Variants in COL5A3 observed in about 807,000 individuals in gnomAD.
COL5A3 encodes collagen alpha-3(V) chain.
COL5A3 carries 172 observed loss-of-function variants against 250.0 expected under a neutral mutation model. The observed-to-expected ratio is 0.69, with a 90% confidence interval of 0.61 to 0.78. The LOEUF (loss-of-function observed/expected upper bound fraction) is 0.78. Ranked by LOEUF, COL5A3 falls within the 30% of genes least tolerant of loss-of-function variation. The pLI, the probability that COL5A3 is intolerant of heterozygous loss-of-function variation, is 0.00. For synonymous variants in COL5A3, 937 were observed against 900.4 expected, an observed-to-expected ratio of 1.04 and a Z score of -0.73; for missense variants, 2,340 against 2,334.4, an observed-to-expected ratio of 1.00 and a Z score of -0.05.
Position 10,009,890 on chromosome 19 carries a change from A to C in COL5A3, c.88+408T>G, listed in dbSNP as rs1484238681. On this transcript the variant is annotated intron_variant, in intron 1 of 66. Coordinates refer to ENST00000264828, the MANE Select transcript of COL5A3 (RefSeq NM_015719.4). The surrounding 1 kb of genome is among the most constrained non-coding windows in gnomAD (Gnocchi z 4.4). The stretch of plus-strand genomic sequence containing the variant: ...GTTACCCTCGAAAATCAGCACATAG[A>C]CAAGAGCACAAGTGCATACTCACCT... Among the ~76,000 whole-genome samples the C allele has an allele frequency of 6.6e-6, 1 of 152,054 alleles. No homozygotes were observed. The highest frequency in any genetic ancestry group is 2.4e-5 in the African/African-American group (1 of 41,378).
intron 45 of COL5A3, among the ~76,000 whole-genome samples, chr19:9,975,755 G>T (rs1308947386): frequency 1.3e-5 from 2 of 152,074 alleles, no homozygotes; most frequent in Non-Finnish European, 2.9e-5. Context: ...CACATGGTTG[G>T]GTTGGGATTG....
chr19:9,992,060 G>T lies in COL5A3; in HGVS notation c.1849-12C>A. The T allele has an allele frequency of 1.9e-6, 3 of 1,613,064 alleles. No individual in the cohort carries two copies. The highest frequency in any genetic ancestry group is 1.1e-5 in the South Asian group (1 of 90,972). On this transcript the variant is annotated splice_polypyrimidine_tract_variant and intron_variant, in intron 21 of 66. Transcript: ENST00000264828. ...ATTCCAGTCACACCCTAGGGGAAAAGAGGATGTGAGACCAAGACAGAGCAA... is the reference window on the plus strand; with the variant it reads ...ATTCCAGTCACACCCTAGGGGAAAATAGGATGTGAGACCAAGACAGAGCAA...
At chr19:9,992,583 C>A (rs891580131) in intron 21 of COL5A3, among the ~76,000 whole-genome samples, 1 of 151,998 alleles carries the variant, frequency 6.6e-6, no homozygotes, top group South Asian at 2.1e-4. Flanking sequence ...TCGAGACCAA[C>A]CTAACTAACA....
chr19:9,974,895 T>C (rs763512414), intron 45 of COL5A3, among the ~76,000 whole-genome samples: 2 of 151,962 alleles, frequency 1.3e-5, no homozygotes, highest in Non-Finnish European at 2.9e-5. Flanking sequence ...GTTTGTTTGT[T>C]TTTGTTTTTT....
At position 9,996,482 on chromosome 19, in the gene COL5A3, G is replaced by C. The variant is rs140312452; in HGVS notation, c.1373C>G (p.Pro458Arg). Residue 458 changes from proline to arginine, a missense_variant, in exon 13 of 67, where the codon CCA (proline) becomes CGA (arginine). By Grantham distance (103) the Pro-to-Arg change is moderately radical. Around this residue, in one of 3 missense-constraint regions of COL5A3, gnomAD observed 1,152 missense variants for 1,146.3 expected, o/e 1.00. Transcript: ENST00000264828. ...QFAGGSFKGP[P>R]VSFQQAQAQA... is the part of the protein sequence containing the mutation. ...AGCCTGGGCCTGCTGGAATGAGACT[G>C]GGGGGCCTTTAAAGGAGCCGCCTGC... 1.4e-4 allele frequency: 227 copies of C among 1,614,058 alleles called. No homozygotes were observed. The highest frequency in any genetic ancestry group is 1.4e-3 in the East Asian group (61 of 44,880).
In COL5A3 at chr19:9,993,014, GATACTCACCGGCTCCCCAGCCTGGCCAGT is replaced by G; in HGVS notation, c.1774_1794+8del. 6.2e-7 allele frequency: 1 copy of G among 1,613,470 alleles called. No individual in the cohort carries two copies. The highest frequency in any genetic ancestry group is 8.5e-7 in the Non-Finnish European group (1 of 1,179,690). ...CCAAGCAAGGGGCCCAGGGATCCCT[GATACTCACCGGCTCCCCAGCCTGGCCAGT>G]GGGCCCTGGAGGTCCCTCTGCTCCC... On this transcript the variant is annotated splice_donor_variant and splice_donor_5th_base_variant and coding_sequence_variant and intron_variant, in exon 20 of 67. Transcript: ENST00000264828. LOFTEE classifies it high-confidence loss of function.
Position 9,985,955 on chromosome 19 carries a change from G to A in COL5A3, c.2353-60C>T, listed in dbSNP as rs1239734911. ...GCAACCTGGAGGTCAGAGGCGGAAA[G>A]GTCAGGCTGGCTGGGGCATGGTGAA... On this transcript the variant is annotated intron_variant, in intron 30 of 66. Transcript: ENST00000264828. 2.0e-6 allele frequency: 3 copies of A among 1,518,566 alleles called. No homozygotes were observed. In the Admixed American group the frequency reaches 5.0e-5, roughly 25 times the overall value. 94.1% of individuals were successfully genotyped at this position (1,518,566 alleles called of 1,614,324 possible). A position where few individuals can be genotyped will look rare whatever the true frequency, so the allele number is the denominator to read the frequency against.
rs2087098976 is a variant in COL5A3 at position 9,986,322 on chromosome 19, C to T, written c.2345G>A (p.Gly782Glu). Residue 782 changes from glycine (G) to glutamate (E), a missense_variant, in exon 30 of 67, where the codon GGG (glycine) becomes GAG (glutamate). Gly to Glu is a moderately conservative substitution (Grantham distance 98). This residue lies in a region of COL5A3 where 1,152 missense variants were observed against 1,146.3 expected (regional missense o/e 1.00). Transcript: ENST00000264828. ...AGEEGPPGSA[G>E]EKGKLGVPGL... ...GGGTGGAGAGTCATTTACCTTCTCC[C>T]CAGCTGAGCCTGGGGGCCCCTCCTC... The T allele has an allele frequency of 2.6e-6, 4 of 1,567,884 alleles. No homozygotes were observed. The African/African-American group carries it at 4.1e-5, about 16-fold the overall frequency.
chr19:9,990,165 G>T (rs569615925), intron 24 of COL5A3, among the ~76,000 whole-genome samples: 1 of 151,944 alleles, frequency 6.6e-6, no homozygotes, highest in East Asian at 2.0e-4. Context: ...AGGCCGAGGA[G>T]GGTGGATCAC....
At chr19:9,995,643 G>A (rs375612457) in intron 15 of COL5A3, 26 bp from the exon 16 acceptor site, 13 of 1,537,394 alleles carry the variant, frequency 8.5e-6, no homozygotes, top group Non-Finnish European at 1.1e-5. Flanking sequence ...AAGGAGGAAG[G>A]AAAGGAAAAT....
chr19:9,972,895 C>A (rs1232554691), intron 51 of COL5A3, 24 bp downstream of exon 51: 2 of 1,532,626 alleles, frequency 1.3e-6, no homozygotes. Flanking sequence ...CCCATGTCTG[C>A]CCCCACTTCC....
chr19:9,969,949 G>GC lies in COL5A3; in HGVS notation c.3937-28_3937-27insG, dbSNP rs397963794. 115 of 1,610,288 alleles carry GC rather than the reference G, an allele frequency of 7.1e-5. 2 individuals are homozygous for GC. Among genetic ancestry groups the GC allele is most frequent in the Middle Eastern group, 6.6e-4 (4 of 6,074 alleles). On this transcript the variant is annotated intron_variant, in intron 54 of 66. Coordinates refer to ENST00000264828, the MANE Select transcript of COL5A3 (RefSeq NM_015719.4). ...TTGGAAGGGAAAGACAGTGAGGGGGGTCTAGGGGCTGACTGAGGGTCAGAG... is the reference window on the plus strand; with the variant it reads ...TTGGAAGGGAAAGACAGTGAGGGGGGCTCTAGGGGCTGACTGAGGGTCAGAG...
intron 31 of COL5A3, among the ~76,000 whole-genome samples, chr19:9,983,377 G>A (rs909318580): frequency 6.6e-6 from 1 of 151,690 alleles, no homozygotes; most frequent in Non-Finnish European, 1.5e-5. Context: ...CGCACCTGTT[G>A]TTCCCAGCTA....
rs1459175698 is a variant in COL5A3, at chr19:9,993,628, C to T, written c.1686G>A (p.Lys562=). Residue 562 remains lysine, a synonymous_variant, in exon 18 of 67, where the codon AAG becomes AAA. Transcript: ENST00000264828. ...GACCTCACACACTCACCCTTTGGCC[C>T]TTCTCACCAGGCAGCCCAGGGAGGC... is the stretch of plus-strand genomic sequence containing the variant. The part of the protein sequence containing the change: ...FDGLPGLPGE[K]GQRGDFGHVG... 1.9e-6 allele frequency: 3 copies of T among 1,614,064 alleles called. No individual in the cohort carries two copies. The highest frequency in any genetic ancestry group is 2.5e-6 in the Non-Finnish European group (3 of 1,179,996).
rs373591438 is a variant in COL5A3, at chr19:9,996,110, C to G, written c.1489G>C (p.Gly497Arg). The G allele has an allele frequency of 6.3e-7, 1 of 1,580,960 alleles. No homozygotes were observed. Among genetic ancestry groups the G allele is most frequent in the East Asian group, 2.2e-5 (1 of 44,594 alleles). The part of the protein sequence containing the change: ...TGRPGPVGLP[G>R]HPGLKGEEGA... Reference sequence around the variant, plus strand: ...TCCTCTCCTTTCAGACCTGGATGCCCGGGGAGACCCTTGGGGGAGGAGAGA... The same window carrying G: ...TCCTCTCCTTTCAGACCTGGATGCCGGGGGAGACCCTTGGGGGAGGAGAGA... The change falls in exon 15 of 67, where the codon GGG (glycine) becomes CGG (arginine). Residue 497 changes from glycine (G) to arginine (R), a missense_variant. Around this residue, in one of 3 missense-constraint regions of COL5A3, gnomAD observed 1,152 missense variants for 1,146.3 expected, o/e 1.00. Transcript: ENST00000264828.
At position 10,009,115 on chromosome 19, in the gene COL5A3, A is replaced by G. The variant is rs1016123775; in HGVS notation, c.88+1183T>C. ...GGCATAGTCCAATCAGGGATTAACC[A>G]TATGGACAGGCACCTTCCTGGACTC... On this transcript the variant is annotated intron_variant, in intron 1 of 66. Transcript: ENST00000264828. The surrounding 1 kb of genome is among the most constrained non-coding windows in gnomAD (Gnocchi z 4.4). Among the ~76,000 whole-genome samples, 5 of 151,672 alleles carry G rather than the reference A, an allele frequency of 3.3e-5. No individual in the cohort carries two copies. Among genetic ancestry groups the G allele is most frequent in the Non-Finnish European group, 5.9e-5 (4 of 67,942 alleles).
chr19:9,987,167 C>T (rs755421576), intron 27 of COL5A3, among the ~76,000 whole-genome samples: 2 of 152,150 alleles, frequency 1.3e-5, no homozygotes, highest in Non-Finnish European at 2.9e-5. Flanking sequence ...ATGGAGAGAG[C>T]GCTTAGTTCA....
At chr19:9,976,876 G>C (rs1008968005) in intron 44 of COL5A3, among the ~76,000 whole-genome samples, 2 of 152,070 alleles carry the variant, frequency 1.3e-5, no homozygotes, top group African/African-American at 4.8e-5. Flanking sequence ...CACTGGAGCT[G>C]ACATTCGGGG....
At chr19:9,987,933 C>A (rs1018593103) in intron 27 of COL5A3, among the ~76,000 whole-genome samples, 17 of 152,006 alleles carry the variant, frequency 1.1e-4, no homozygotes, top group Non-Finnish European at 2.9e-5. Flanking sequence ...GACCCTGTCT[C>A]TAAAAAATAA....
Sources: gnomAD v4.1 joint callset for allele counts (sites outside exome capture counted in the v4.1 genomes callset) on GRCh38, gnomAD v4.1.1 for gene constraint, gnomAD v4.1.1 regional missense constraint, Gnocchi (gnomAD v3.1) non-coding constraint, MANE v1.5 for transcripts, NCBI Gene and HGNC (gene_info 2026-07-23, HGNC 2026-07-21) for gene names.